STIM2: variants seen among roughly 807,000 people sequenced by gnomAD.
The protein encoded by STIM2 is stromal interaction molecule 2.
Under a neutral mutation model 85.8 loss-of-function variants are expected in STIM2, and 31 were observed. The observed-to-expected ratio is 0.36, with a 90% CI of 0.27 to 0.49. STIM2 has a LOEUF of 0.49. STIM2 is among the 20% of genes least tolerant of loss of function. The pLI is 0.98. For synonymous variants in STIM2, 356 were observed against 331.1 expected, an observed-to-expected ratio of 1.08 and a Z score of -0.82; for missense variants, 841 against 927.6, an observed-to-expected ratio of 0.91 and a Z score of 1.21.
At chr4:27,001,603 C>T (rs1252833705) in intron 5 of STIM2, among the ~76,000 whole-genome samples, 1 of 152,114 alleles carries the variant, frequency 6.6e-6, no homozygotes, top group African/African-American at 2.4e-5. Flanking sequence ...GGGTGTTCAG[C>T]AATACTTCTG....
intron 3 of STIM2, among the ~76,000 whole-genome samples, chr4:26,989,757 TA>T (rs565883026): frequency 2.9e-3 from 444 of 152,274 alleles, no homozygotes; most frequent in Middle Eastern, 0.01. Flanking sequence ...TAAATGAATT[TA>T]GTAAAGTTAC....
intron 5 of STIM2, among the ~76,000 whole-genome samples, chr4:27,001,683 T>C (rs767934360): frequency 4.4e-4 from 67 of 152,316 alleles, no homozygotes; most frequent in Non-Finnish European, 7.3e-4. Flanking sequence ...AAATGTCTGC[T>C]AGGGGTGGGT....
intron 1 of STIM2, among the ~76,000 whole-genome samples, chr4:26,895,988 T>C (rs746589499): frequency 2.0e-5 from 3 of 152,208 alleles, no homozygotes; most frequent in Non-Finnish European, 4.4e-5. Context: ...ATTCTCAGAT[T>C]CTCACAAGGC....
rs368289703 is a variant in STIM2, at chr4:26,998,082, A to T, written c.510-1150A>T. Among the ~76,000 whole-genome samples the T allele has an allele frequency of 1.7e-4, 26 of 152,214 alleles. No individual in the cohort carries two copies. In the East Asian group the frequency reaches 2.5e-3, roughly 15 times the overall value. Reference sequence around the variant, plus strand: ...TCTTCACCTATAAAATGGAAATACTATTATAAGGTTTTCTTGAGTATTAAG... The same window carrying T: ...TCTTCACCTATAAAATGGAAATACTTTTATAAGGTTTTCTTGAGTATTAAG... On this transcript the variant is annotated intron_variant, in intron 4 of 11. Coordinates refer to ENST00000467087, the MANE Select transcript of STIM2 (RefSeq NM_020860.4).
intron 1 of STIM2, among the ~76,000 whole-genome samples, chr4:26,913,514 T>G (rs1417377761): frequency 2.0e-5 from 3 of 152,154 alleles, no homozygotes; most frequent in Non-Finnish European, 2.9e-5. Context: ...TGAATAGAAT[T>G]TATACTTTAG....
chr4:26,957,104 G>C (rs1250719207), intron 2 of STIM2, among the ~76,000 whole-genome samples: 2 of 152,068 alleles, frequency 1.3e-5, no homozygotes, highest in Admixed American at 1.3e-4. Flanking sequence ...ATAGCATTTG[G>C]ATATAACCTA....
At position 26,886,183 on chromosome 4, in the gene STIM2, G is replaced by T. The variant is rs537984823; in HGVS notation, c.151+24814G>T. On this transcript the variant is annotated intron_variant, in intron 1 of 11. Transcript: ENST00000467087. ...TGCAAGGAGAACTAGGACAGTATAT[G>T]AACTTTTTCCTTCTTAAAGCTTTTT... Among the ~76,000 whole-genome samples, 21 of 152,110 alleles carry T rather than the reference G, an allele frequency of 1.4e-4. No homozygotes were observed. The South Asian group carries it at 4.4e-3, about 32-fold the overall frequency.
intron 10 of STIM2, among the ~76,000 whole-genome samples, chr4:27,014,254 T>C (rs1728657745): frequency 6.6e-6 from 1 of 151,934 alleles, no homozygotes; most frequent in South Asian, 2.1e-4. Context: ...TTAATATTTA[T>C]ACACCTCCCA....
chr4:26,978,036 G>A (rs1019775501), intron 3 of STIM2, among the ~76,000 whole-genome samples: 3 of 152,096 alleles, frequency 2.0e-5, no homozygotes, highest in Admixed American at 1.3e-4. Flanking sequence ...TCGAAGTTAA[G>A]GTTATTGATC....
At chr4:26,993,295 T>C (rs1392120844) in intron 3 of STIM2, among the ~76,000 whole-genome samples, 1 of 152,180 alleles carries the variant, frequency 6.6e-6, no homozygotes, top group African/African-American at 2.4e-5. Context: ...CTTGGTTAAA[T>C]GGATACAGCA....
chr4:26,928,865 T>G (rs1366789016), intron 2 of STIM2, among the ~76,000 whole-genome samples: 8 of 152,218 alleles, frequency 5.3e-5, no homozygotes, highest in Non-Finnish European at 8.8e-5. Context: ...AATTCTTTGA[T>G]ATGAGAGGTG....
chr4:26,953,812 G>A (rs939725874), intron 2 of STIM2, among the ~76,000 whole-genome samples: 2 of 151,898 alleles, frequency 1.3e-5, no homozygotes, highest in Non-Finnish European at 2.9e-5. Flanking sequence ...TCATAAAATG[G>A]TACATTCAAC....
chr4:26,885,005 C>T (rs1723161841), intron 1 of STIM2, among the ~76,000 whole-genome samples: 1 of 152,132 alleles, frequency 6.6e-6, no homozygotes, highest in African/African-American at 2.4e-5. Context: ...ATTTTGGAGT[C>T]AAATTATTTC....
chr4:26,932,441 A>G (rs1725238193), intron 2 of STIM2, among the ~76,000 whole-genome samples: 1 of 152,218 alleles, frequency 6.6e-6, no homozygotes, highest in Non-Finnish European at 1.5e-5. Context: ...TGACTTTAAC[A>G]TAACTCGTTA....
chr4:26,871,010 C>G (rs931351817), intron 1 of STIM2, among the ~76,000 whole-genome samples: 11 of 151,496 alleles, frequency 7.3e-5, no homozygotes, highest in African/African-American at 2.7e-4. Context: ...AGTGAGGAAG[C>G]TGGGTGGGGA....
Position 26,956,357 on chromosome 4 carries a change from A to G in STIM2, c.283-1255A>G, listed in dbSNP as rs1012831640. On this transcript the variant is annotated intron_variant, in intron 2 of 11. Transcript: ENST00000467087. ...TAAGTGGTATTAAGCCATAAAATGG[A>G]GTTTGCTTTTTATTGTTAGACAATG... is the stretch of plus-strand genomic sequence containing the variant. Among the ~76,000 whole-genome samples, 2 of 152,032 alleles carry G rather than the reference A, an allele frequency of 1.3e-5. 1 individual carries two copies. The highest frequency in any genetic ancestry group is 4.1e-4 in the South Asian group (2 of 4,832).
chr4:26,991,265 A>G (rs1032392487), intron 3 of STIM2, among the ~76,000 whole-genome samples: 2 of 152,108 alleles, frequency 1.3e-5, no homozygotes, highest in African/African-American at 4.8e-5. Flanking sequence ...AAAGAATAAA[A>G]TCCCGTTATT....
chr4:26,955,950 A>T (rs1212157320), intron 2 of STIM2, among the ~76,000 whole-genome samples: 1 of 152,172 alleles, frequency 6.6e-6, no homozygotes, highest in African/African-American at 2.4e-5. Flanking sequence ...TTTGCTCAAT[A>T]TTATACAATT....
intron 3 of STIM2, among the ~76,000 whole-genome samples, chr4:26,982,043 C>T (rs1727417352): frequency 6.6e-6 from 1 of 151,680 alleles, no homozygotes. Flanking sequence ...TTAGTTCTAG[C>T]ATCTATAAAT....
Sources: allele counts gnomAD v4.1 joint callset (sites outside exome capture counted in the v4.1 genomes callset), GRCh38; gene constraint gnomAD v4.1.1; transcripts MANE v1.5; gene names NCBI Gene and HGNC (gene_info 2026-07-23, HGNC 2026-07-21).